Variants in LYN observed in about 807,000 individuals in gnomAD.
LYN encodes tyrosine-protein kinase Lyn.
In LYN, 12 loss-of-function variants were observed where a neutral mutation model predicts 65.0. The ratio of observed to expected loss-of-function variants is 0.18; its 90% CI spans 0.12 to 0.30. The LOEUF (loss-of-function observed/expected upper bound fraction) is 0.30, where lower values mean the gene tolerates loss of function less well. Among genes scored for constraint, LYN ranks in the 10% least tolerant of loss-of-function variants. The probability of loss-of-function intolerance (pLI) is 1.00; values close to 1 mark genes in which losing one functional copy is unlikely to be tolerated. For missense variants in LYN, 380 were observed against 623.2 expected, an observed-to-expected ratio of 0.61 and a Z score of 4.16; for synonymous variants, 222 against 221.2, an observed-to-expected ratio of 1.00 and a Z score of -0.03.
intron 10 of LYN, among the ~76,000 whole-genome samples, chr8:55,976,507 GAGCACAGCC>G (rs1807757613): frequency 6.6e-6 from 1 of 152,070 alleles, no homozygotes; most frequent in Non-Finnish European, 1.5e-5. Flanking sequence ...CAGCTATCCT[GAGCACAGCC>G]AGGCACTGTG....
chr8:55,966,998 G>C, intron 9 of LYN, 101 bp downstream of exon 9: 1 of 1,087,950 alleles, frequency 9.2e-7, no homozygotes, highest in Non-Finnish European at 1.3e-6. Flanking sequence ...TTATCAAACA[G>C]TATACCCACT....
At chr8:55,884,602 C>A (rs1804739967) in intron 1 of LYN, among the ~76,000 whole-genome samples, 1 of 151,856 alleles carries the variant, frequency 6.6e-6, no homozygotes, top group African/African-American at 2.4e-5. Flanking sequence ...ATTACAGGCG[C>A]CCGCCACCAT....
chr8:55,920,201 C>A (rs1048081707), intron 1 of LYN, among the ~76,000 whole-genome samples: 4 of 151,780 alleles, frequency 2.6e-5, no homozygotes, highest in African/African-American at 9.7e-5. Context: ...CACTAGAATT[C>A]CAGTAAAGTG....
chr8:55,933,990 G>A (rs544576373), intron 1 of LYN, among the ~76,000 whole-genome samples: 1 of 152,298 alleles, frequency 6.6e-6, no homozygotes, highest in South Asian at 2.1e-4. Flanking sequence ...CACTTTGGGA[G>A]GCCAAGGCGG....
intron 10 of LYN, among the ~76,000 whole-genome samples, chr8:55,974,062 G>A (rs1307556342): frequency 1.3e-5 from 2 of 152,244 alleles, no homozygotes; most frequent in African/African-American, 4.8e-5. Context: ...AGCCTTGAAA[G>A]CATATATTTT....
rs751521252 is a variant in LYN at position 55,998,492 on chromosome 8, A to C, written c.1197A>C (p.Ala399=). 2 of 1,610,264 alleles carry C rather than the reference A, an allele frequency of 1.2e-6. No homozygotes were observed. Among genetic ancestry groups the C allele is most frequent in the East Asian group, 2.2e-5 (1 of 44,760 alleles). Residue 399 remains alanine, a synonymous_variant, in exon 11 of 13, where the codon GCA becomes GCC. Transcript: ENST00000519728. ...ARVIEDNEYT[A]REGAKFPIKW... The stretch of plus-strand genomic sequence containing the variant: ...TAATTGAAGATAATGAGTACACAGC[A>C]AGGGAAGGTATGTTGCACTAATGAT...
intron 10 of LYN, among the ~76,000 whole-genome samples, chr8:55,989,881 A>G (rs1448927316): frequency 1.3e-5 from 2 of 152,142 alleles, no homozygotes; most frequent in East Asian, 1.9e-4. Flanking sequence ...CATTGGTTCA[A>G]CCCAGGAAGG....
chr8:55,997,896 A>G (rs111791264), intron 10 of LYN, among the ~76,000 whole-genome samples: 9,124 of 152,126 alleles, frequency 0.06, 419 homozygotes, highest in African/African-American at 0.13. Context: ...CATCCTGGCT[A>G]ACATGGTGAA....
In LYN at chr8:56,013,266, CTCTCTTT is replaced by C. The variant is rs1230813872; in HGVS notation, c.*3158_*3164del. ...AGCTTGTGGAGTCTGCTTTCTCGCTCTCTCTTTTTTTTTTTTTTTTGACAGAGTCTCA... is the reference window on the plus strand; with the variant it reads ...AGCTTGTGGAGTCTGCTTTCTCGCTCTTTTTTTTTTTTTGACAGAGTCTCA... On this transcript the variant is annotated 3_prime_UTR_variant, in exon 13 of 13. Transcript: ENST00000519728. The C allele has an allele frequency of 1.5e-4, 22 of 145,760 alleles. No homozygotes were observed. Among genetic ancestry groups the C allele is most frequent in the Non-Finnish European group, 2.7e-4 (18 of 67,120 alleles). The allele number at this position is 145,760 out of a possible 1,614,324, so 9.0% of individuals were successfully genotyped here.
At chr8:55,958,646 C>T (rs1585639378) in intron 8 of LYN, among the ~76,000 whole-genome samples, 1 of 152,302 alleles carries the variant, frequency 6.6e-6, no homozygotes, top group Middle Eastern at 3.4e-3. Context: ...CTGGCAACCA[C>T]CATGCTACTT....
At chr8:55,936,999 C>T (rs1202079788) in intron 1 of LYN, among the ~76,000 whole-genome samples, 1 of 152,158 alleles carries the variant, frequency 6.6e-6, no homozygotes, top group African/African-American at 2.4e-5. Flanking sequence ...TTGTCTCTGA[C>T]CCTCATAGAC....
chr8:55,880,004 T>C lies in LYN; in HGVS notation c.-105T>C, dbSNP rs1213860710. Reference sequence around the variant, plus strand: ...CGTCCAGCGTTCCCGGCCAGCAGCCTCCCCATACGCAGGTCCTGCTGGGCC... The same window carrying C: ...CGTCCAGCGTTCCCGGCCAGCAGCCCCCCCATACGCAGGTCCTGCTGGGCC... On this transcript the variant is annotated 5_prime_UTR_variant, in exon 1 of 13. Coordinates refer to ENST00000519728, the MANE Select transcript of LYN (RefSeq NM_002350.4). 3.5e-6 allele frequency: 1 copy of C among 287,442 alleles called. No individual in the cohort carries two copies. The highest frequency in any genetic ancestry group is 7.2e-6 in the Non-Finnish European group (1 of 138,620). The allele number at this position is 287,442 out of a possible 1,614,324, so 17.8% of individuals were successfully genotyped here. A position where few individuals can be genotyped will look rare whatever the true frequency, so the allele number is the denominator to read the frequency against.
intron 10 of LYN, among the ~76,000 whole-genome samples, chr8:55,983,948 T>C (rs944302863): frequency 6.6e-6 from 1 of 152,300 alleles, no homozygotes; most frequent in Admixed American, 6.5e-5. Context: ...AATGAAGGTA[T>C]AGGCAGGGCT....
intron 12 of LYN, among the ~76,000 whole-genome samples, chr8:56,009,279 A>T (rs1808752045): frequency 6.6e-6 from 1 of 152,162 alleles, no homozygotes; most frequent in South Asian, 2.1e-4. Context: ...TATTAAAGAG[A>T]ACTTGGCTGT....
chr8:55,880,931 TG>T (rs1169422682), intron 1 of LYN, among the ~76,000 whole-genome samples: 1 of 152,228 alleles, frequency 6.6e-6, no homozygotes, highest in African/African-American at 2.4e-5. Flanking sequence ...TTAGCGGTTG[TG>T]TTTTTGTATA....
intron 1 of LYN, among the ~76,000 whole-genome samples, chr8:55,922,629 T>C (rs996844415): frequency 3.8e-4 from 58 of 151,132 alleles, no homozygotes; most frequent in African/African-American, 1.3e-3. Flanking sequence ...TAGCCGGGAG[T>C]GGTGGCACAC....
chr8:55,969,827 A>G, intron 10 of LYN, 34 bp downstream of exon 10: 5 of 1,561,356 alleles, frequency 3.2e-6, no homozygotes, highest in Middle Eastern at 3.3e-4. Context: ...GTGCACGTGC[A>G]TTTGCAAAGA....
At position 55,880,005 on chromosome 8, in the gene LYN, C is replaced by G. The variant is rs1293376575; in HGVS notation, c.-104C>G. On this transcript the variant is annotated 5_prime_UTR_variant, in exon 1 of 13. Transcript: ENST00000519728. ...GTCCAGCGTTCCCGGCCAGCAGCCT[C>G]CCCATACGCAGGTCCTGCTGGGCCG... The G allele has an allele frequency of 3.4e-6, 1 of 292,342 alleles. No individual in the cohort carries two copies. Among genetic ancestry groups the G allele is most frequent in the Non-Finnish European group, 7.1e-6 (1 of 140,998 alleles). The allele number at this position is 292,342 out of a possible 1,614,324, so 18.1% of individuals were successfully genotyped here. A position where few individuals can be genotyped will look rare whatever the true frequency, so the allele number is the denominator to read the frequency against.
chr8:55,984,483 C>A (rs1585666274), intron 10 of LYN, among the ~76,000 whole-genome samples: 1 of 152,236 alleles, frequency 6.6e-6, no homozygotes. Flanking sequence ...GCTGTCAGAT[C>A]CCAACACTCA....
Sources: allele counts gnomAD v4.1 joint callset (sites outside exome capture counted in the v4.1 genomes callset), GRCh38; gene constraint gnomAD v4.1.1; transcripts MANE v1.5; gene names NCBI Gene and HGNC (gene_info 2026-07-23, HGNC 2026-07-21).